Variants in FRMPD4 observed in about 807,000 individuals in gnomAD.
FRMPD4 encodes FERM and PDZ domain containing 4, also known as FERM and PDZ domain-containing protein 4.
Under a neutral mutation model 94.1 loss-of-function variants are expected in FRMPD4, and 22 were observed. The observed-to-expected ratio is 0.23, with a 90% CI of 0.17 to 0.33. The LOEUF (loss-of-function observed/expected upper bound fraction) is 0.33, where lower values mean the gene tolerates loss of function less well. Ranked by LOEUF, FRMPD4 falls within the 10% of genes least tolerant of loss-of-function variation. FRMPD4 has a pLI of 1.00. For synonymous variants in FRMPD4, 631 were observed against 548.6 expected, an observed-to-expected ratio of 1.15 and a Z score of -2.10; for missense variants, 1,111 against 1,339.9, an observed-to-expected ratio of 0.83 and a Z score of 2.67.
chrX:12,037,074 G>A (rs939532686), intron 3 of FRMPD4, among the ~76,000 whole-genome samples: 2 of 111,401 alleles, frequency 1.8e-5, no homozygotes, highest in East Asian at 2.8e-4. Flanking sequence ...TACCTTTGCC[G>A]GGTACTAGAA....
At position 12,617,695 on chromosome X, in the gene FRMPD4, A is replaced by G. The variant is rs2059248374; in HGVS notation, c.422+2814A>G. Among the ~76,000 whole-genome samples the G allele has an allele frequency of 2.7e-5, 3 of 112,036 alleles. No individual in the cohort carries two copies. In the South Asian group the frequency reaches 1.1e-3, roughly 42 times the overall value. On this transcript the variant is annotated intron_variant, in intron 4 of 16. Coordinates refer to ENST00000675598, the MANE Select transcript of FRMPD4 (RefSeq NM_001368397.1). Reference sequence around the variant, plus strand: ...TTTCTTAGCCACTAAGGAAATTTGGAAAAACACTCATCATTTTGATAACAC... The same window carrying G: ...TTTCTTAGCCACTAAGGAAATTTGGGAAAACACTCATCATTTTGATAACAC...
At chrX:12,592,002 A>G (rs1002609283) in intron 2 of FRMPD4, among the ~76,000 whole-genome samples, 3 of 111,579 alleles carry the variant, frequency 2.7e-5, no homozygotes, top group Non-Finnish European at 5.7e-5. Context: ...CTCTTCTCCA[A>G]GACAGGTCGT....
At chrX:12,505,753 G>T (rs2057977161) in intron 2 of FRMPD4, among the ~76,000 whole-genome samples, 1 of 107,287 alleles carries the variant, frequency 9.3e-6, no homozygotes, top group Admixed American at 9.9e-5. Context: ...AAAAAAAGGG[G>T]GGGAGAGCAA....
At chrX:12,594,422 CATTTATTT>C (rs747602603) in intron 2 of FRMPD4, among the ~76,000 whole-genome samples, 1 of 101,513 alleles carries the variant, frequency 9.9e-6, no homozygotes, top group African/African-American at 4.5e-5. Flanking sequence ...TAGTTAACCC[CATTTATTT>C]ATTTATTTAT....
chrX:12,260,507 C>G (rs1020053866), intron 1 of FRMPD4, among the ~76,000 whole-genome samples: 1 of 111,983 alleles, frequency 8.9e-6, no homozygotes, highest in Non-Finnish European at 1.9e-5. Context: ...CTAGTTCTGT[C>G]TCATTATTCC....
At chrX:12,095,574 C>G (rs749774660) in intron 3 of FRMPD4, among the ~76,000 whole-genome samples, 1 of 110,833 alleles carries the variant, frequency 9.0e-6, no homozygotes, top group Non-Finnish European at 1.9e-5. Context: ...AAAATGTTTA[C>G]TCCCTGGCCC....
At chrX:11,910,093 C>A (rs2053988670) in intron 3 of FRMPD4, among the ~76,000 whole-genome samples, 1 of 111,565 alleles carries the variant, frequency 9.0e-6, no homozygotes, top group African/African-American at 3.3e-5. Context: ...TTATCAACTT[C>A]TGAATGAGGA....
At chrX:11,900,416 A>G (rs2053929693) in intron 3 of FRMPD4, among the ~76,000 whole-genome samples, 2 of 111,471 alleles carry the variant, frequency 1.8e-5, no homozygotes, top group Non-Finnish European at 1.9e-5. Context: ...GGAAGAAGAG[A>G]AGGAGCATGG....
chrX:11,844,280 A>G (rs1473486928), intron 1 of FRMPD4, among the ~76,000 whole-genome samples: 1 of 110,403 alleles, frequency 9.1e-6, no homozygotes, highest in African/African-American at 3.3e-5. Flanking sequence ...GACAGGTGTG[A>G]GCCATTGCAC....
At chrX:12,211,062 T>A (rs913720363) in intron 1 of FRMPD4, among the ~76,000 whole-genome samples, 2 of 112,378 alleles carry the variant, frequency 1.8e-5, no homozygotes, top group African/African-American at 6.5e-5. Flanking sequence ...GCATTTATTT[T>A]ACGATCTCAG....
intron 1 of FRMPD4, among the ~76,000 whole-genome samples, chrX:12,310,997 C>T (rs1601806080): frequency 8.9e-6 from 1 of 112,505 alleles, no homozygotes; most frequent in East Asian, 2.8e-4. Flanking sequence ...GATGGATATT[C>T]ACATGCATAG....
chrX:12,192,106 C>G (rs1025774184), intron 1 of FRMPD4, among the ~76,000 whole-genome samples: 1 of 112,258 alleles, frequency 8.9e-6, no homozygotes, highest in Non-Finnish European at 1.9e-5. Context: ...TCTTTCCTTA[C>G]TAGAGATCTT....
chrX:12,489,003 C>A (rs2057766100), intron 1 of FRMPD4, among the ~76,000 whole-genome samples: 1 of 111,752 alleles, frequency 8.9e-6, no homozygotes, highest in Admixed American at 9.5e-5. Context: ...ACTTTTGATA[C>A]AATGGTGGAG....
At chrX:12,309,560 A>G (rs5979577) in intron 1 of FRMPD4, among the ~76,000 whole-genome samples, 7,786 of 111,146 alleles carry the variant, frequency 0.07, 674 homozygotes, top group African/African-American at 0.24. Flanking sequence ...GATGCATCTT[A>G]GTGATGCAGA....
At chrX:11,976,884 C>T (rs1334042491) in intron 3 of FRMPD4, among the ~76,000 whole-genome samples, 2 of 111,723 alleles carry the variant, frequency 1.8e-5, no homozygotes, top group African/African-American at 6.5e-5. Context: ...GGGACCAACT[C>T]TGTGATCATT....
chrX:12,238,493 T>G (rs1329362133), intron 1 of FRMPD4, among the ~76,000 whole-genome samples: 2 of 112,207 alleles, frequency 1.8e-5, no homozygotes, highest in Non-Finnish European at 3.8e-5. Context: ...AGAGTAAATC[T>G]TTAAAAATGT....
At chrX:12,470,515 GT>G (rs2057498921) in intron 1 of FRMPD4, among the ~76,000 whole-genome samples, 1 of 111,921 alleles carries the variant, frequency 8.9e-6, no homozygotes, top group Non-Finnish European at 1.9e-5. Context: ...TAGCTATGAT[GT>G]TTTTCTTTCA....
At chrX:12,714,879 A>G (rs1163296345) in intron 14 of FRMPD4, among the ~76,000 whole-genome samples, 2 of 112,251 alleles carry the variant, frequency 1.8e-5, no homozygotes, top group African/African-American at 6.5e-5. Flanking sequence ...GTATAATTCA[A>G]TGTCTTCAAA....
intron 1 of FRMPD4, among the ~76,000 whole-genome samples, chrX:12,141,824 A>G (rs946088216): frequency 1.8e-5 from 2 of 112,405 alleles, no homozygotes; most frequent in Non-Finnish European, 3.8e-5. Flanking sequence ...CCATCCTTGT[A>G]GATGAGAGCA....
Sources: gnomAD v4.1 joint callset for allele counts (sites outside exome capture counted in the v4.1 genomes callset) on GRCh38, gnomAD v4.1.1 for gene constraint, MANE v1.5 for transcripts, NCBI Gene and HGNC (gene_info 2026-07-23, HGNC 2026-07-21) for gene names.